SLC25A48: variants seen among roughly 807,000 people sequenced by gnomAD.
SLC25A48 encodes CTC-321K16.1.
Under a neutral mutation model 32.2 loss-of-function variants are expected in SLC25A48, and 29 were observed. That is an observed-to-expected ratio of 0.90 (90% CI 0.67 to 1.23). The LOEUF is 1.23. SLC25A48 is among the 50% of genes most tolerant of loss of function. The pLI is 0.00. For synonymous variants in SLC25A48, 164 were observed against 172.3 expected (o/e 0.95, Z 0.38); for missense variants, 399 against 422.7 (o/e 0.94, Z 0.49).
intron 2 of SLC25A48, among the ~76,000 whole-genome samples, chr5:135,848,288 T>C (rs1759574025): frequency 6.6e-6 from 1 of 152,170 alleles, no homozygotes; most frequent in Non-Finnish European, 1.5e-5. Flanking sequence ...CAGTCAGCCA[T>C]TTGTGGATTC....
chr5:135,681,857 T>C (rs1291966980), intron 3 of SLC25A48, among the ~76,000 whole-genome samples: 1 of 152,174 alleles, frequency 6.6e-6, no homozygotes, highest in Non-Finnish European at 1.5e-5. Flanking sequence ...CCTAAGCATG[T>C]GTAAAATGAG....
At chr5:135,796,547 G>A (rs1220900282) in intron 3 of SLC25A48, among the ~76,000 whole-genome samples, 1 of 151,376 alleles carries the variant, frequency 6.6e-6, no homozygotes, top group African/African-American at 2.4e-5. Flanking sequence ...TATCGTTGAG[G>A]GTTTGATATG....
chr5:135,660,258 G>T (rs1753364403), intron 3 of SLC25A48, among the ~76,000 whole-genome samples: 2 of 152,290 alleles, frequency 1.3e-5, no homozygotes, highest in Non-Finnish European at 2.9e-5. Flanking sequence ...AAACCATAGT[G>T]AAATATCACA....
chr5:135,588,958 A>G (rs773168441), intron 1 of SLC25A48, among the ~76,000 whole-genome samples: 13 of 152,210 alleles, frequency 8.5e-5, no homozygotes, highest in Non-Finnish European at 1.9e-4. Flanking sequence ...AAAAATAAGC[A>G]AAGAACCAAA....
upstream of SLC25A48, among the ~76,000 whole-genome samples, chr5:135,833,068 G>A (rs1366291536): frequency 2.0e-5 from 3 of 152,246 alleles, no homozygotes; most frequent in Non-Finnish European, 4.4e-5. Flanking sequence ...TAGCCCTGTG[G>A]TCTGGGATTC....
chr5:135,855,708 C>G (rs541757377), intron 4 of SLC25A48, among the ~76,000 whole-genome samples: 49 of 152,350 alleles, frequency 3.2e-4, no homozygotes. Flanking sequence ...ACACACTGGT[C>G]TCATCTGCAC....
At chr5:135,833,622 TC>T (rs1247456125), upstream of SLC25A48, among the ~76,000 whole-genome samples, 1 of 152,058 alleles carries the variant, frequency 6.6e-6, no homozygotes, top group African/African-American at 2.4e-5. Context: ...CTTCCACTCC[TC>T]CCTGGAACTT....
At chr5:135,584,700 A>T (rs1474376386) in intron 1 of SLC25A48, among the ~76,000 whole-genome samples, 1 of 152,258 alleles carries the variant, frequency 6.6e-6, no homozygotes. Context: ...GTCCTTGTTA[A>T]AAATAAAGAT....
chr5:135,756,159 TATG>T (rs1412981688), intron 3 of SLC25A48, among the ~76,000 whole-genome samples: 6 of 152,110 alleles, frequency 3.9e-5, no homozygotes, highest in African/African-American at 1.4e-4. Context: ...GTCAACACAC[TATG>T]ATATTAATAA....
chr5:135,715,953 C>T (rs763665146), intron 3 of SLC25A48, among the ~76,000 whole-genome samples: 2 of 152,134 alleles, frequency 1.3e-5, no homozygotes, highest in Admixed American at 6.5e-5. Context: ...TATTTCCTGG[C>T]TTTTACTTGG....
chr5:135,774,023 G>A (rs144736557), intron 3 of SLC25A48, among the ~76,000 whole-genome samples: 36 of 151,190 alleles, frequency 2.4e-4, no homozygotes, highest in African/African-American at 8.5e-4. Context: ...AATATCGCAG[G>A]CAGTCTACAC....
chr5:135,778,390 A>T (rs1457672537), intron 3 of SLC25A48, among the ~76,000 whole-genome samples: 2 of 151,560 alleles, frequency 1.3e-5, no homozygotes, highest in Admixed American at 6.6e-5. Context: ...ATCGTTCCTA[A>T]TATTCTGAAA....
intron 3 of SLC25A48, among the ~76,000 whole-genome samples, chr5:135,728,894 A>C (rs1370033332): frequency 4.7e-5 from 7 of 149,896 alleles, no homozygotes; most frequent in African/African-American, 1.5e-4. Context: ...ATACACACAC[A>C]CCCCAAGGCT....
chr5:135,727,476 G>A (rs937187115), intron 3 of SLC25A48, among the ~76,000 whole-genome samples: 2 of 151,934 alleles, frequency 1.3e-5, no homozygotes, highest in Non-Finnish European at 1.5e-5. Flanking sequence ...CAAGTTGAAG[G>A]ACTCTGCCTA....
intron 3 of SLC25A48, among the ~76,000 whole-genome samples, chr5:135,791,676 G>A (rs1561495068): frequency 6.6e-6 from 1 of 151,296 alleles, no homozygotes; most frequent in Admixed American, 6.6e-5. Context: ...ATATTATAGG[G>A]GGATGTTACT....
intron 3 of SLC25A48, among the ~76,000 whole-genome samples, chr5:135,655,130 C>T (rs933861895): frequency 2.0e-5 from 3 of 152,084 alleles, no homozygotes; most frequent in Non-Finnish European, 2.9e-5. Context: ...GAAGCGAATC[C>T]GAGATCTATA....
chr5:135,671,932 T>A lies in SLC25A48; in HGVS notation c.-521+36976T>A, dbSNP rs533871986. Among the ~76,000 whole-genome samples the A allele has an allele frequency of 2.1e-5, 3 of 142,004 alleles. No individual in the cohort carries two copies. The East Asian group carries it at 6.7e-4, about 32-fold the overall frequency. The allele number at this position is 142,004 out of a possible 152,430, so 93.2% of individuals were successfully genotyped here. A position where few individuals can be genotyped will look rare whatever the true frequency, so the allele number is the denominator to read the frequency against. On this transcript the variant is annotated intron_variant, in intron 3 of 10. Coordinates refer to the SLC25A48 transcript ENST00000646290. The stretch of plus-strand genomic sequence containing the variant: ...GAAGAAAAACACTGAGACCAAAGTA[T>A]CCGGCATTTAAGAGAAGCCCCCAAT...
At chr5:135,774,914 T>C (rs1756508994) in intron 3 of SLC25A48, among the ~76,000 whole-genome samples, 1 of 151,686 alleles carries the variant, frequency 6.6e-6, no homozygotes, top group Admixed American at 6.6e-5. Flanking sequence ...CGTGATATTG[T>C]TTCTAATTCC....
chr5:135,852,512 G>A, intron 3 of SLC25A48, 51 bp from the exon 4 acceptor site: 1 of 1,550,250 alleles, frequency 6.5e-7, no homozygotes, highest in Non-Finnish European at 8.8e-7. Flanking sequence ...TGCAGGCTCT[G>A]CGACGGCAGC....
Sources: allele counts gnomAD v4.1 joint callset (sites outside exome capture counted in the v4.1 genomes callset), GRCh38; gene constraint gnomAD v4.1.1; transcripts MANE v1.5; gene names NCBI Gene and HGNC (gene_info 2026-07-23, HGNC 2026-07-21).